RSPO2: variants seen among roughly 807,000 people sequenced by gnomAD.
RSPO2 encodes R-spondin-2.
In RSPO2, 14 loss-of-function variants were observed where a neutral mutation model predicts 30.9. The observed-to-expected ratio is 0.45, with a 90% CI of 0.30 to 0.71. The LOEUF (loss-of-function observed/expected upper bound fraction) is 0.71. RSPO2 is among the 30% of genes least tolerant of loss of function. The pLI is 0.08. For missense variants in RSPO2, 264 were observed against 301.9 expected, an observed-to-expected ratio of 0.87 and a Z score of 0.93; for synonymous variants, 107 against 96.4, an observed-to-expected ratio of 1.11 and a Z score of -0.64.
intron 5 of RSPO2, among the ~76,000 whole-genome samples, chr8:107,948,997 A>G (rs1353543330): frequency 6.9e-6 from 1 of 145,392 alleles, no homozygotes; most frequent in East Asian, 2.0e-4. Flanking sequence ...ATTTTATTGC[A>G]TATTAGAAAC....
intron 5 of RSPO2, among the ~76,000 whole-genome samples, chr8:107,924,432 C>A (rs921590381): frequency 6.6e-6 from 1 of 151,914 alleles, no homozygotes; most frequent in Non-Finnish European, 1.5e-5. Flanking sequence ...TTTGAAAGTC[C>A]GTGTATTGTC....
chr8:107,908,270 T>A (rs1811715791), intron 5 of RSPO2, among the ~76,000 whole-genome samples: 1 of 152,132 alleles, frequency 6.6e-6, no homozygotes, highest in Admixed American at 6.5e-5. Context: ...AACAAGGTAA[T>A]CTGAATGAGA....
chr8:107,948,332 A>G (rs899343450), intron 5 of RSPO2, among the ~76,000 whole-genome samples: 2 of 152,196 alleles, frequency 1.3e-5, no homozygotes, highest in Admixed American at 1.3e-4. Flanking sequence ...CCCAGCTCCA[A>G]CACTGGATTA....
chr8:107,958,228 A>G lies in RSPO2; in HGVS notation c.468T>C (p.Cys156=), dbSNP rs761254885. Residue 156 remains cysteine, a synonymous_variant, in exon 5 of 6, where the codon TGT becomes TGC. Coordinates refer to ENST00000276659, the MANE Select transcript of RSPO2 (RefSeq NM_178565.5). ...EVGHWSEWGT[C]SRNNRTCGFK... is the part of the protein sequence containing the mutation. ...ATCCACATGTGCGATTATTTCTGCT[A>G]CAAGTTCCCCATTCGCTCCAATGAC... The G allele has an allele frequency of 1.9e-6, 3 of 1,613,844 alleles. No individual in the cohort carries two copies. Among genetic ancestry groups the G allele is most frequent in the South Asian group, 1.1e-5 (1 of 91,068 alleles).
intron 2 of RSPO2, among the ~76,000 whole-genome samples, chr8:107,996,691 A>G (rs1815036251): frequency 6.6e-6 from 1 of 152,178 alleles, no homozygotes; most frequent in African/African-American, 2.4e-5. Context: ...AGTAAGAAGT[A>G]TAGAGAAAAG....
chr8:108,013,191 T>C (rs529459566), intron 2 of RSPO2, among the ~76,000 whole-genome samples: 1 of 152,378 alleles, frequency 6.6e-6, no homozygotes, highest in Non-Finnish European at 1.5e-5. Context: ...CTGTAACCCT[T>C]GATCAATACT....
At chr8:108,001,439 A>C (rs1815245630) in intron 2 of RSPO2, among the ~76,000 whole-genome samples, 1 of 152,166 alleles carries the variant, frequency 6.6e-6, no homozygotes, top group South Asian at 2.1e-4. Flanking sequence ...CTCTTTTGAC[A>C]CAAAAATCTT....
At chr8:107,951,813 C>T (rs1050170781) in intron 5 of RSPO2, among the ~76,000 whole-genome samples, 1 of 152,094 alleles carries the variant, frequency 6.6e-6, no homozygotes, top group Non-Finnish European at 1.5e-5. Context: ...CTCATGTCCA[C>T]CCCCTCATCC....
chr8:107,923,355 A>G (rs1812247958), intron 5 of RSPO2, among the ~76,000 whole-genome samples: 2 of 152,228 alleles, frequency 1.3e-5, no homozygotes, highest in Non-Finnish European at 2.9e-5. Context: ...TGCAAATCAA[A>G]ACCACAATGA....
chr8:108,011,090 G>A (rs1183868800), intron 2 of RSPO2, among the ~76,000 whole-genome samples: 12 of 133,918 alleles, frequency 9.0e-5, no homozygotes, highest in Admixed American at 5.1e-4. Flanking sequence ...CCGAGATCGC[G>A]CCATTGCACT....
intron 2 of RSPO2, among the ~76,000 whole-genome samples, chr8:108,060,019 TAA>T (rs200227149): frequency 6.7e-6 from 1 of 149,860 alleles, no homozygotes; most frequent in Non-Finnish European, 1.5e-5. Flanking sequence ...AAAATAAAAT[TAA>T]AAAAAAAGAG....
chr8:107,913,248 G>A (rs1241108321), intron 5 of RSPO2, among the ~76,000 whole-genome samples: 1 of 152,124 alleles, frequency 6.6e-6, no homozygotes, highest in East Asian at 1.9e-4. Flanking sequence ...ATAATCCTGA[G>A]TGGGAGGAGA....
intron 5 of RSPO2, among the ~76,000 whole-genome samples, chr8:107,934,663 T>C (rs1812658568): frequency 6.6e-6 from 1 of 152,174 alleles, no homozygotes; most frequent in Admixed American, 6.5e-5. Context: ...TGAGCCACCA[T>C]GCCTGGCCCT....
chr8:108,055,211 G>A (rs1187074556), intron 2 of RSPO2, among the ~76,000 whole-genome samples: 1 of 152,170 alleles, frequency 6.6e-6, no homozygotes, highest in Non-Finnish European at 1.5e-5. Flanking sequence ...AAAAACACGA[G>A]TAAAGAGCTT....
At chr8:108,043,586 A>C (rs566865938) in intron 2 of RSPO2, among the ~76,000 whole-genome samples, 258 of 129,558 alleles carry the variant, frequency 2.0e-3, no homozygotes, top group Non-Finnish European at 3.5e-3. Context: ...CTTTGGGGGA[A>C]AAAAGTATCT....
intron 5 of RSPO2, among the ~76,000 whole-genome samples, chr8:107,917,754 A>G (rs1812024396): frequency 6.6e-6 from 1 of 152,162 alleles, no homozygotes; most frequent in Non-Finnish European, 1.5e-5. Flanking sequence ...TGTATGTTCC[A>G]AAATTATGTG....
chr8:107,911,909 C>T (rs1165852063), intron 5 of RSPO2, among the ~76,000 whole-genome samples: 1 of 152,128 alleles, frequency 6.6e-6, no homozygotes, highest in South Asian at 2.1e-4. Flanking sequence ...TGGAGAAGGG[C>T]ATCAGCCTTC....
At chr8:107,949,512 C>A (rs1215127372) in intron 5 of RSPO2, among the ~76,000 whole-genome samples, 1 of 152,086 alleles carries the variant, frequency 6.6e-6, no homozygotes, top group African/African-American at 2.4e-5. Context: ...CAAAGGCATT[C>A]AATATTCACC....
chr8:108,008,719 A>G (rs937033002), intron 2 of RSPO2, among the ~76,000 whole-genome samples: 2 of 151,928 alleles, frequency 1.3e-5, no homozygotes, highest in African/African-American at 4.8e-5. Context: ...GGTTTGCTCA[A>G]TGTAAGTCTA....
Sources: allele counts gnomAD v4.1 joint callset (sites outside exome capture counted in the v4.1 genomes callset), GRCh38; gene constraint gnomAD v4.1.1; transcripts MANE v1.5; gene names NCBI Gene and HGNC (gene_info 2026-07-23, HGNC 2026-07-21).